The following NUP88 variants were observed in gnomAD, a reference collection of about 807,000 sequenced individuals.
NUP88 encodes nuclear pore complex protein Nup88.
In NUP88, 57 loss-of-function variants were observed where a neutral mutation model predicts 93.9. That is an observed-to-expected ratio of 0.61 (90% CI 0.49 to 0.76). The LOEUF (loss-of-function observed/expected upper bound fraction) is 0.76, where lower values mean the gene tolerates loss of function less well. Among genes scored for constraint, NUP88 ranks in the 30% least tolerant of loss-of-function variants. The pLI is 0.00. For synonymous variants in NUP88, 346 were observed against 336.8 expected (o/e 1.03, Z -0.30); for missense variants, 911 against 901.0 (o/e 1.01, Z -0.14).
Position 5,419,590 on chromosome 17 carries a change from G to T in NUP88, c.61C>A (p.His21Asn). 1 of 1,606,540 alleles carries T rather than the reference G, an allele frequency of 6.2e-7. No homozygotes were observed. The highest frequency in any genetic ancestry group is 8.5e-7 in the Non-Finnish European group (1 of 1,175,122). ...TCCCGGAGCCGCAAGAACACGACGT[G>T]GTTAGGAAGCCAGGTCTGCCACAGC... Reference protein sequence around the residue: ...GELWQTWLPNHVVFLRLREGL... With the variant: ...GELWQTWLPNNVVFLRLREGL... Residue 21 changes from histidine to asparagine, a missense_variant, in exon 1 of 17, where the codon CAC becomes AAC. Transcript: ENST00000573584.
intron 15 of NUP88, 29 bp from the exon 16 acceptor site, chr17:5,386,855 G>A (rs1339550187): frequency 6.3e-7 from 1 of 1,581,526 alleles, no homozygotes; most frequent in Non-Finnish European, 8.7e-7. Context: ...AGATATTTTG[G>A]CAGTGGTTTG....
intron 7 of NUP88, among the ~76,000 whole-genome samples, chr17:5,401,985 T>C (rs562503746): frequency 1.9e-4 from 29 of 152,316 alleles, no homozygotes; most frequent in African/African-American, 5.8e-4. Context: ...GTCAAAAATT[T>C]CTTAGTTTCA....
rs770941552 is a variant in NUP88, at chr17:5,404,096, T to TA, written c.1192+2dup. The TA allele has an allele frequency of 6.2e-7, 1 of 1,613,794 alleles. No homozygotes were observed. Among genetic ancestry groups the TA allele is most frequent in the Non-Finnish European group, 8.5e-7 (1 of 1,179,756 alleles). On this transcript the variant is annotated splice_region_variant and intron_variant, in intron 7 of 16. Transcript: ENST00000573584. ...AAAGCACTACATTTATTGAAGAGCT[T>TA]ACCTCTATGAAGTTTGACTGGACAA...
chr17:5,386,691 T>A lies in NUP88; in HGVS notation c.2162+17A>T, dbSNP rs1360115602. On this transcript the variant is annotated intron_variant, in intron 16 of 16. Coordinates refer to ENST00000573584, the MANE Select transcript of NUP88 (RefSeq NM_002532.6). ...AAACTATCTCACGATAATAGCTGAT[T>A]GGAAGTATTTACTTACTCCTCTTTC... 3 of 1,441,510 alleles carry A rather than the reference T, an allele frequency of 2.1e-6. No homozygotes were observed. Among genetic ancestry groups the A allele is most frequent in the Non-Finnish European group, 2.9e-6 (3 of 1,023,376 alleles). 89.3% of individuals were successfully genotyped at this position (1,441,510 alleles called of 1,614,324 possible).
chr17:5,391,899 G>GTCT (rs1456496599), intron 9 of NUP88, among the ~76,000 whole-genome samples: 1 of 151,504 alleles, frequency 6.6e-6, no homozygotes, highest in Non-Finnish European at 1.5e-5. Flanking sequence ...GCTGCTGACT[G>GTCT]TAATCTCAAA....
intron 5 of NUP88, among the ~76,000 whole-genome samples, chr17:5,408,006 C>A (rs1389994698): frequency 7.9e-6 from 1 of 126,516 alleles, no homozygotes. Flanking sequence ...AGAAAAAAAA[C>A]CCACACTCAC....
chr17:5,386,169 G>A lies in NUP88; in HGVS notation c.*37C>T. 4.6e-6 allele frequency: 7 copies of A among 1,512,656 alleles called. No individual in the cohort carries two copies. Among genetic ancestry groups the A allele is most frequent in the Non-Finnish European group, 6.4e-6 (7 of 1,099,232 alleles). 93.7% of individuals were successfully genotyped at this position (1,512,656 alleles called of 1,614,324 possible). A position where few individuals can be genotyped will look rare whatever the true frequency, so the allele number is the denominator to read the frequency against. On this transcript the variant is annotated 3_prime_UTR_variant, in exon 17 of 17. Coordinates refer to ENST00000573584, the MANE Select transcript of NUP88 (RefSeq NM_002532.6). Reference sequence around the variant, plus strand: ...TACAATATGGGTTTAAGCCTTCAATGGTGTTCAGTTCAGGTGTGAGTCAGC... The same window carrying A: ...TACAATATGGGTTTAAGCCTTCAATAGTGTTCAGTTCAGGTGTGAGTCAGC...
intron 7 of NUP88, among the ~76,000 whole-genome samples, chr17:5,402,724 C>G (rs1355542462): frequency 3.9e-5 from 6 of 152,196 alleles, no homozygotes; most frequent in Admixed American, 2.6e-4. Context: ...CCAAATAGGG[C>G]TGGGCATGGT....
In NUP88 at chr17:5,419,540, G is replaced by C. The variant is rs757886788; in HGVS notation, c.111C>G (p.Thr37=). The C allele has an allele frequency of 3.1e-6, 5 of 1,613,466 alleles. No individual in the cohort carries two copies. The Admixed American group carries it at 8.3e-5, about 27-fold the overall frequency. Residue 37 remains threonine (T), a synonymous_variant, in exon 1 of 17, where the codon ACC becomes ACG. Coordinates refer to ENST00000573584, the MANE Select transcript of NUP88 (RefSeq NM_002532.6). The part of the protein sequence containing the change: ...LREGLKNQSP[T]EAEKPASSSL... ...ACGAAGAAGCTGGTTTCTCAGCTTC[G>C]GTTGGACTCTGGTTTTTCAGTCCCT...
intron 8 of NUP88, among the ~76,000 whole-genome samples, chr17:5,398,057 C>G (rs1043284797): frequency 6.6e-6 from 1 of 151,990 alleles, no homozygotes; most frequent in East Asian, 1.9e-4. Context: ...CAGGCATCCG[C>G]CACTATGCCT....
chr17:5,398,889 C>A (rs1912960637), intron 8 of NUP88, among the ~76,000 whole-genome samples: 1 of 133,622 alleles, frequency 7.5e-6, no homozygotes, highest in Admixed American at 7.6e-5. Context: ...CTGCACCCAG[C>A]CTTTTTTTTT....
intron 9 of NUP88, among the ~76,000 whole-genome samples, chr17:5,394,030 A>G (rs2107152): frequency 0.44 from 66,030 of 151,650 alleles, 15,073 homozygotes; most frequent in East Asian, 0.84. Flanking sequence ...GCAGATTTGG[A>G]AAGACAGAAG....
At chr17:5,413,056 G>A (rs1338059576) in intron 3 of NUP88, among the ~76,000 whole-genome samples, 1 of 152,160 alleles carries the variant, frequency 6.6e-6, no homozygotes, top group African/African-American at 2.4e-5. Flanking sequence ...CTTTAGACAG[G>A]GTTTTACTCT....
intron 9 of NUP88, among the ~76,000 whole-genome samples, chr17:5,394,294 G>A (rs537200461): frequency 3.6e-4 from 55 of 152,250 alleles, no homozygotes; most frequent in Non-Finnish European, 5.7e-4. Context: ...AGAGGAACCC[G>A]CCCAAGAAGG....
At chr17:5,394,770 C>G (rs558599528) in intron 9 of NUP88, 121 bp downstream of exon 9, 1 of 696,116 alleles carries the variant, frequency 1.4e-6, no homozygotes, top group African/African-American at 1.8e-5. Flanking sequence ...AGTATCACGT[C>G]TGCAACTTTC....
chr17:5,387,215 C>G (rs1344969744), intron 14 of NUP88, 105 bp from the exon 15 acceptor site: 1 of 1,391,724 alleles, frequency 7.2e-7, no homozygotes, highest in Non-Finnish European at 1.0e-6. Context: ...GAAGTAGGCC[C>G]CATAGGAAGG....
Position 5,387,022 on chromosome 17 carries a change from G to A in NUP88, c.2005C>T (p.Pro669Ser). The change falls in exon 15 of 17, where the codon CCT becomes TCT. Residue 669 changes from proline to serine, a missense_variant. By Grantham distance (74) the Pro-to-Ser change is moderately conservative. Coordinates refer to ENST00000573584, the MANE Select transcript of NUP88 (RefSeq NM_002532.6). ...TTGCCCAAATGTCGAAGTTGATCAGGTATCAGCTGTAATTCTTTCTTCATG... is the reference window on the plus strand; with the variant it reads ...TTGCCCAAATGTCGAAGTTGATCAGATATCAGCTGTAATTCTTTCTTCATG... ...RDMKKELQLI[P>S]DQLRHLGNAI... The A allele has an allele frequency of 1.2e-6, 2 of 1,614,014 alleles. No individual in the cohort carries two copies. The highest frequency in any genetic ancestry group is 1.7e-6 in the Non-Finnish European group (2 of 1,179,916).
chr17:5,404,000 G>A, intron 7 of NUP88, 99 bp downstream of exon 7: 1 of 1,273,636 alleles, frequency 7.9e-7, no homozygotes, highest in Non-Finnish European at 1.1e-6. Flanking sequence ...CTTTTTAAAG[G>A]CTGGAACCAC....
rs747575555 is a variant in NUP88 at position 5,408,789 on chromosome 17, C to A, written c.801G>T (p.Leu267=). The A allele has an allele frequency of 6.2e-7, 1 of 1,613,732 alleles. No individual in the cohort carries two copies. Among genetic ancestry groups the A allele is most frequent in the Non-Finnish European group, 8.5e-7 (1 of 1,179,776 alleles). ...NGKDEVVAYP[L]YILYENGETF... ...TCTCTCCATTTTCATATAAGATGTA[C>A]AGTGGGTATGCCACTACTTCATCTT... Residue 267 remains leucine (L), a synonymous_variant, in exon 5 of 17, where the codon CTG becomes CTT. Transcript: ENST00000573584.
Sources: gnomAD v4.1 joint callset for allele counts (sites outside exome capture counted in the v4.1 genomes callset) on GRCh38, gnomAD v4.1.1 for gene constraint, MANE v1.5 for transcripts, NCBI Gene and HGNC (gene_info 2026-07-23, HGNC 2026-07-21) for gene names.